Variants in EEF1AKMT1 observed in about 807,000 individuals in gnomAD.
EEF1AKMT1 encodes the protein EEF1A lysine methyltransferase 1.
A neutral mutation model predicts 21.0 loss-of-function variants in EEF1AKMT1; 18 were observed. That is an observed-to-expected ratio of 0.86 (90% confidence interval 0.59 to 1.27). The LOEUF (loss-of-function observed/expected upper bound fraction) is 1.27, where lower values mean the gene tolerates loss of function less well. EEF1AKMT1 is among the 50% of genes most tolerant of loss of function. The probability of loss-of-function intolerance (pLI) is 0.00; values close to 1 mark genes in which losing one functional copy is unlikely to be tolerated. For missense variants in EEF1AKMT1, 246 were observed against 258.6 expected (o/e 0.95, Z 0.33); for synonymous variants, 109 against 94.8 (o/e 1.15, Z -0.87).
chr13:20,738,633 T>C (rs1315789005), intron 2 of EEF1AKMT1, among the ~76,000 whole-genome samples: 1 of 152,124 alleles, frequency 6.6e-6, no homozygotes, highest in African/African-American at 2.4e-5. Context: ...ACCCCTACAA[T>C]GAAATATTAT....
chr13:20,761,904 C>T (rs1282222276), intron 1 of EEF1AKMT1, among the ~76,000 whole-genome samples: 1 of 151,920 alleles, frequency 6.6e-6, no homozygotes, highest in African/African-American at 2.4e-5. Context: ...TAGGAGCAGC[C>T]TGGGCAATAC....
intron 1 of EEF1AKMT1, among the ~76,000 whole-genome samples, chr13:20,763,277 C>T (rs1440146155): frequency 1.3e-5 from 2 of 152,084 alleles, no homozygotes; most frequent in East Asian, 3.8e-4. Flanking sequence ...ATTCAATTGA[C>T]ACACCACCCC....
intron 2 of EEF1AKMT1, among the ~76,000 whole-genome samples, chr13:20,748,301 T>A (rs9796090): frequency 1.3e-5 from 2 of 152,014 alleles, no homozygotes; most frequent in Non-Finnish European, 2.9e-5. Context: ...CCGGGCATGG[T>A]GGCGGGCGCC....
At chr13:20,737,308 T>G (rs1478831395) in intron 3 of EEF1AKMT1, among the ~76,000 whole-genome samples, 2 of 151,936 alleles carry the variant, frequency 1.3e-5, no homozygotes, top group South Asian at 4.2e-4. Flanking sequence ...AGGTTGCAGT[T>G]AGCCAAGATC....
intron 3 of EEF1AKMT1, among the ~76,000 whole-genome samples, chr13:20,732,753 A>T (rs951545848): frequency 5.3e-5 from 8 of 152,188 alleles, no homozygotes; most frequent in Non-Finnish European, 7.3e-5. Flanking sequence ...TTTACCTATT[A>T]TTTTCATGCT....
intron 1 of EEF1AKMT1, among the ~76,000 whole-genome samples, chr13:20,758,017 C>A (rs2058980154): frequency 6.6e-6 from 1 of 152,164 alleles, no homozygotes; most frequent in Admixed American, 6.5e-5. Flanking sequence ...GTATTTTATC[C>A]CCAAATATAT....
chr13:20,764,917 A>ACACC (rs71087097), intron 1 of EEF1AKMT1, among the ~76,000 whole-genome samples: 102 of 146,394 alleles, frequency 7.0e-4, no homozygotes, highest in Non-Finnish European at 1.1e-3. Context: ...ACACACACAC[A>ACACC]CCCTAATTTT....
At chr13:20,737,309 A>G (rs2141414384) in intron 3 of EEF1AKMT1, among the ~76,000 whole-genome samples, 1 of 152,276 alleles carries the variant, frequency 6.6e-6, no homozygotes. Context: ...GGTTGCAGTT[A>G]GCCAAGATCG....
chr13:20,759,726 TCAG>T (rs1195830714), intron 1 of EEF1AKMT1, among the ~76,000 whole-genome samples: 1 of 151,834 alleles, frequency 6.6e-6, no homozygotes, highest in African/African-American at 2.4e-5. Context: ...GAAAAAATGC[TCAG>T]CATCACTAAT....
intron 2 of EEF1AKMT1, among the ~76,000 whole-genome samples, chr13:20,756,911 C>A (rs1174044990): frequency 2.0e-5 from 3 of 152,226 alleles, no homozygotes; most frequent in Non-Finnish European, 1.5e-5. Context: ...GACCCAACCA[C>A]ATGGGGTAAC....
chr13:20,745,486 T>C (rs778248892), intron 2 of EEF1AKMT1, among the ~76,000 whole-genome samples: 1 of 152,176 alleles, frequency 6.6e-6, no homozygotes, highest in Non-Finnish European at 1.5e-5. Flanking sequence ...TCTCTGCTTG[T>C]CTATTATTGG....
chr13:20,739,555 G>A (rs1019040271), intron 2 of EEF1AKMT1, among the ~76,000 whole-genome samples: 3 of 152,040 alleles, frequency 2.0e-5, no homozygotes, highest in Non-Finnish European at 2.9e-5. Context: ...AGTGCTGATT[G>A]GTGCATTTAC....
intron 2 of EEF1AKMT1, among the ~76,000 whole-genome samples, 195 bp from the exon 3 acceptor site, chr13:20,738,000 C>G (rs1386880476): frequency 6.6e-6 from 1 of 152,140 alleles, no homozygotes; most frequent in African/African-American, 2.4e-5. Flanking sequence ...TAAATTAATA[C>G]AAGCCCCTAA....
intron 1 of EEF1AKMT1, among the ~76,000 whole-genome samples, chr13:20,773,576 G>A (rs1801273181): frequency 6.6e-6 from 1 of 152,238 alleles, no homozygotes; most frequent in East Asian, 1.9e-4. Flanking sequence ...CTACTCGGAG[G>A]GAAGGGAGGC....
Position 20,760,123 on chromosome 13 carries a change from A to AAAAAAG in EEF1AKMT1, c.-19-2507_-19-2506insCTTTTT, listed in dbSNP as rs1555327133. ...CTGTCTCAAAAAAAAAAAAAAAAAAAAAGTCAAAAAATAACAGATGTGGGC... is the reference window on the plus strand; with the variant it reads ...CTGTCTCAAAAAAAAAAAAAAAAAAAAAAAAGAAGTCAAAAAATAACAGATGTGGGC... On this transcript the variant is annotated intron_variant, in intron 1 of 4. Coordinates refer to ENST00000382758, the MANE Select transcript of EEF1AKMT1 (RefSeq NM_001318939.2). 9.9e-3 allele frequency among the ~76,000 whole-genome samples: 1,255 copies of AAAAAAG among 127,152 alleles called. 74 individuals carry two copies. The highest frequency in any genetic ancestry group is 0.026 in the African/African-American group (867 of 33,318). The allele number at this position is 127,152 out of a possible 152,430, so 83.4% of individuals were successfully genotyped here.
At chr13:20,735,080 G>A (rs1418928786) in intron 3 of EEF1AKMT1, among the ~76,000 whole-genome samples, 7 of 152,132 alleles carry the variant, frequency 4.6e-5, no homozygotes, top group Admixed American at 4.6e-4. Context: ...CACTGAGCAA[G>A]CGGAACAGCA....
Position 20,728,978 on chromosome 13 carries a change from G to C in EEF1AKMT1, c.*102C>G. On this transcript the variant is annotated 3_prime_UTR_variant, in exon 5 of 5. Coordinates refer to ENST00000382758, the MANE Select transcript of EEF1AKMT1 (RefSeq NM_001318939.2). ...GAAAACCAGGCCAGGGACAGCTCCA[G>C]TTTGGGGGGAGGGGAAGAGATTATA... 6.8e-7 allele frequency: 1 copy of C among 1,480,442 alleles called. No individual in the cohort carries two copies. 91.7% of individuals were successfully genotyped at this position (1,480,442 alleles called of 1,614,324 possible). A position where few individuals can be genotyped will look rare whatever the true frequency, so the allele number is the denominator to read the frequency against.
At chr13:20,773,307 G>C (rs981481501) in intron 1 of EEF1AKMT1, among the ~76,000 whole-genome samples, 1 of 152,152 alleles carries the variant, frequency 6.6e-6, no homozygotes, top group Admixed American at 6.5e-5. Context: ...CTCCCTCCCG[G>C]TAGGGACCCG....
intron 4 of EEF1AKMT1, among the ~76,000 whole-genome samples, chr13:20,729,856 G>A (rs2058782017): frequency 6.6e-6 from 1 of 152,238 alleles, no homozygotes; most frequent in African/African-American, 2.4e-5. Flanking sequence ...CCTCCCTGGG[G>A]TGCAGCAACA....
Sources: allele counts gnomAD v4.1 joint callset (sites outside exome capture counted in the v4.1 genomes callset), GRCh38; gene constraint gnomAD v4.1.1; transcripts MANE v1.5; gene names NCBI Gene and HGNC (gene_info 2026-07-23, HGNC 2026-07-21).